Variants in AGBL3 observed in about 807,000 individuals in gnomAD.
AGBL3 encodes the protein AGBL carboxypeptidase 3.
AGBL3 carries 68 observed loss-of-function variants against 94.5 expected under a neutral mutation model. The ratio of observed to expected loss-of-function variants is 0.72; its 90% CI spans 0.59 to 0.88. AGBL3 has a LOEUF of 0.88. Among genes scored for constraint, AGBL3 ranks in the 40% least tolerant of loss-of-function variants. The probability of loss-of-function intolerance (pLI) is 0.00; values close to 1 mark genes in which losing one functional copy is unlikely to be tolerated. For missense variants in AGBL3, 934 were observed against 1,103.8 expected (o/e 0.85, Z 2.18); for synonymous variants, 354 against 370.7 (o/e 0.95, Z 0.52).
chr7:135,005,641 C>T (rs1017770709), intron 4 of AGBL3, among the ~76,000 whole-genome samples: 7 of 151,580 alleles, frequency 4.6e-5, no homozygotes, highest in Admixed American at 2.0e-4. Context: ...ACTAAAATAA[C>T]GTTTTTAAAA....
At chr7:135,035,893 G>C (rs1816257053) in intron 7 of AGBL3, among the ~76,000 whole-genome samples, 1 of 151,998 alleles carries the variant, frequency 6.6e-6, no homozygotes, top group Non-Finnish European at 1.5e-5. Context: ...TAGTTTTCTA[G>C]AAACTTGTAA....
chr7:135,004,078 A>AT (rs1182857923), intron 4 of AGBL3, among the ~76,000 whole-genome samples: 1 of 151,636 alleles, frequency 6.6e-6, no homozygotes, highest in Non-Finnish European at 1.5e-5. Context: ...TTTAAAATAA[A>AT]TTTTTTTGAT....
intron 4 of AGBL3, among the ~76,000 whole-genome samples, chr7:135,003,562 G>A (rs911652783): frequency 1.3e-5 from 2 of 151,534 alleles, no homozygotes; most frequent in Non-Finnish European, 3.0e-5. Context: ...TTAAGGAAGA[G>A]TAACATACTT....
chr7:135,115,375 C>T lies in AGBL3; in HGVS notation c.2111-5C>T, dbSNP rs1247641148. On this transcript the variant is annotated splice_region_variant and splice_polypyrimidine_tract_variant and intron_variant, in intron 15 of 16. Transcript: ENST00000436302. ...TCTGTACATATTTTTGTGGTTGCTC[C>T]CCAGATCTGCACCACAACTTAAAAA... is the stretch of plus-strand genomic sequence containing the variant. 1 of 1,541,230 alleles carries T rather than the reference C, an allele frequency of 6.5e-7. No individual in the cohort carries two copies. Among genetic ancestry groups the T allele is most frequent in the Non-Finnish European group, 8.8e-7 (1 of 1,139,362 alleles).
chr7:134,987,829 A>C, intron 1 of AGBL3, 46 bp from the exon 2 acceptor site: 1 of 783,326 alleles, frequency 1.3e-6, no homozygotes, highest in East Asian at 2.8e-5. Context: ...TTAATGTAGT[A>C]AACACCTACA....
At position 135,032,712 on chromosome 7, in the gene AGBL3, T is replaced by C. The variant is rs112582255; in HGVS notation, c.419-132T>C. On this transcript the variant is annotated intron_variant, in intron 5 of 16. Coordinates refer to ENST00000436302, the MANE Select transcript of AGBL3 (RefSeq NM_178563.4). ...TTAGATTCTCTTATTTCAACATGTC[T>C]ATATAAATTAGTGTCCAGTTACTTT... is the stretch of plus-strand genomic sequence containing the variant. The C allele has an allele frequency of 4.2e-4, 297 of 708,448 alleles. 4 individuals are homozygous for C. In the African/African-American group the frequency reaches 4.7e-3, roughly 11 times the overall value. The allele number at this position is 708,448 out of a possible 1,614,324, so 43.9% of individuals were successfully genotyped here. A position where few individuals can be genotyped will look rare whatever the true frequency, so the allele number is the denominator to read the frequency against.
Position 135,115,377 on chromosome 7 carries a change from C to T in AGBL3, c.2111-3C>T. 6.5e-7 allele frequency: 1 copy of T among 1,542,650 alleles called. No homozygotes were observed. Among genetic ancestry groups the T allele is most frequent in the Non-Finnish European group, 8.8e-7 (1 of 1,140,566 alleles). On this transcript the variant is annotated splice_region_variant and splice_polypyrimidine_tract_variant and intron_variant, in intron 15 of 16. Transcript: ENST00000436302. ...TGTACATATTTTTGTGGTTGCTCCC[C>T]AGATCTGCACCACAACTTAAAAAGC...
At chr7:135,096,548 GA>G (rs1344510681) in intron 15 of AGBL3, among the ~76,000 whole-genome samples, 1 of 84,424 alleles carries the variant, frequency 1.2e-5, no homozygotes, top group Non-Finnish European at 2.5e-5. Flanking sequence ...GAAAAAGAAA[GA>G]AAGAAAGAAA....
chr7:135,129,181 A>G, intron 16 of AGBL3: 1 of 1,428,432 alleles, frequency 7.0e-7, no homozygotes. Flanking sequence ...CTGATGGCAG[A>G]TGTGGTGTAC....
chr7:135,112,725 A>C (rs1825811289), intron 15 of AGBL3, among the ~76,000 whole-genome samples: 1 of 152,150 alleles, frequency 6.6e-6, no homozygotes, highest in Non-Finnish European at 1.5e-5. Context: ...TTTCACATCT[A>C]TTTACCAAAC....
At chr7:135,131,762 G>T (rs1164150041) in intron 16 of AGBL3, among the ~76,000 whole-genome samples, 1 of 151,936 alleles carries the variant, frequency 6.6e-6, no homozygotes, top group Non-Finnish European at 1.5e-5. Context: ...GAAACAACTG[G>T]TTGTTTGAAC....
intron 12 of AGBL3, among the ~76,000 whole-genome samples, chr7:135,059,978 G>A (rs1818684433): frequency 6.6e-6 from 1 of 152,210 alleles, no homozygotes; most frequent in Non-Finnish European, 1.5e-5. Flanking sequence ...AGGGTCAACT[G>A]GTCTTGGATT....
intron 11 of AGBL3, among the ~76,000 whole-genome samples, chr7:135,046,755 G>T (rs1817398729): frequency 6.6e-6 from 1 of 151,920 alleles, no homozygotes; most frequent in Admixed American, 6.6e-5. Context: ...CCAAGTTTTG[G>T]CAATTATAAA....
intron 11 of AGBL3, among the ~76,000 whole-genome samples, chr7:135,049,262 A>C (rs1817662634): frequency 6.6e-6 from 1 of 151,974 alleles, no homozygotes; most frequent in Non-Finnish European, 1.5e-5. Flanking sequence ...CTTGCATCCC[A>C]GGGATAAATC....
intron 5 of AGBL3, among the ~76,000 whole-genome samples, chr7:135,026,920 T>G (rs980924104): frequency 6.6e-6 from 1 of 151,698 alleles, no homozygotes; most frequent in Admixed American, 6.6e-5. Flanking sequence ...CTCCTCTTTT[T>G]GGGAAGGTTA....
intron 4 of AGBL3, among the ~76,000 whole-genome samples, chr7:134,998,050 A>G (rs1049186383): frequency 2.0e-5 from 3 of 152,228 alleles, no homozygotes; most frequent in Non-Finnish European, 4.4e-5. Context: ...CAATTTTCCA[A>G]TACATTTGAT....
intron 11 of AGBL3, among the ~76,000 whole-genome samples, chr7:135,051,693 G>A (rs1177282301): frequency 6.6e-6 from 1 of 151,850 alleles, no homozygotes; most frequent in African/African-American, 2.4e-5. Flanking sequence ...TAAGATTATA[G>A]AACTTATTCT....
chr7:134,998,121 A>C (rs1426025532), intron 4 of AGBL3, among the ~76,000 whole-genome samples: 1 of 152,220 alleles, frequency 6.6e-6, no homozygotes, highest in Non-Finnish European at 1.5e-5. Context: ...CCAATGTTAT[A>C]CTGTATCTGC....
In AGBL3 at chr7:135,050,838, T is replaced by G. The variant is rs575574044; in HGVS notation, c.1841+4927T>G. Among the ~76,000 whole-genome samples, 14 of 152,150 alleles carry G rather than the reference T, an allele frequency of 9.2e-5. No individual in the cohort carries two copies. The South Asian group carries it at 2.9e-3, about 32-fold the overall frequency. ...GGAGTATCTTGTAGATAGATTGTAG[T>G]TGGGTCCTCTTTTTTTAATCCATTC... On this transcript the variant is annotated intron_variant, in intron 11 of 16. Coordinates refer to ENST00000436302, the MANE Select transcript of AGBL3 (RefSeq NM_178563.4).
Sources: gnomAD v4.1 joint callset for allele counts (sites outside exome capture counted in the v4.1 genomes callset) on GRCh38, gnomAD v4.1.1 for gene constraint, MANE v1.5 for transcripts, NCBI Gene and HGNC (gene_info 2026-07-23, HGNC 2026-07-21) for gene names.